The following EXT1 variants were observed in gnomAD, a reference collection of about 807,000 sequenced individuals.
EXT1 encodes the protein exostosin glycosyltransferase 1.
Under a neutral mutation model 82.5 loss-of-function variants are expected in EXT1, and 20 were observed. The observed-to-expected ratio is 0.24, with a 90% CI of 0.17 to 0.35. EXT1 has a LOEUF of 0.35. Ranked by LOEUF, EXT1 falls within the 10% of genes least tolerant of loss-of-function variation. EXT1 has a pLI of 1.00. For missense variants in EXT1, 757 were observed against 936.5 expected, an observed-to-expected ratio of 0.81 and a Z score of 2.50; for synonymous variants, 348 against 350.8, an observed-to-expected ratio of 0.99 and a Z score of 0.09.
chr8:117,990,065 C>T (rs891768348), intron 1 of EXT1, among the ~76,000 whole-genome samples: 6 of 152,002 alleles, frequency 3.9e-5, no homozygotes, highest in Non-Finnish European at 7.4e-5. Context: ...CCCAGCTACT[C>T]GGGAGGCTGA....
At chr8:117,957,497 G>A (rs1011856087) in intron 1 of EXT1, among the ~76,000 whole-genome samples, 2 of 152,168 alleles carry the variant, frequency 1.3e-5, no homozygotes, top group African/African-American at 2.4e-5. Context: ...GCCCCAACGG[G>A]AGACAGACAC....
chr8:117,885,555 G>A (rs1313881417), intron 1 of EXT1, among the ~76,000 whole-genome samples: 1 of 148,678 alleles, frequency 6.7e-6, no homozygotes, highest in Non-Finnish European at 1.5e-5. Context: ...ACACAGTGAT[G>A]AAGACACATG....
At chr8:117,901,858 G>A (rs1263305799) in intron 1 of EXT1, among the ~76,000 whole-genome samples, 2 of 151,850 alleles carry the variant, frequency 1.3e-5, no homozygotes, top group East Asian at 3.9e-4. Context: ...CACCACACCT[G>A]GCTAATTTTT....
chr8:118,008,427 CTT>C (rs1441331486), intron 1 of EXT1, among the ~76,000 whole-genome samples: 2 of 151,850 alleles, frequency 1.3e-5, no homozygotes, highest in African/African-American at 2.4e-5. Flanking sequence ...GCCTGGCTAA[CTT>C]TTTGTATTTT....
In EXT1 at chr8:117,796,438, T is replaced by C. The variant is rs1369947456; in HGVS notation, c.*3274A>G. ...CATCTCACCCCTGATTAAAGTTCAG[T>C]AACCTTTATGAAAGGCCACCAGCAT... is the stretch of plus-strand genomic sequence containing the variant. On this transcript the variant is annotated 3_prime_UTR_variant, in exon 11 of 11. Coordinates refer to ENST00000378204, the MANE Select transcript of EXT1 (RefSeq NM_000127.3). 2.6e-5 allele frequency: 4 copies of C among 151,912 alleles called. No individual in the cohort carries two copies. Among genetic ancestry groups the C allele is most frequent in the Admixed American group, 1.3e-4 (2 of 15,252 alleles). The allele number at this position is 151,912 out of a possible 1,614,324, so 9.4% of individuals were successfully genotyped here.
At chr8:117,959,140 A>G (rs1814646265) in intron 1 of EXT1, among the ~76,000 whole-genome samples, 1 of 152,236 alleles carries the variant, frequency 6.6e-6, no homozygotes, top group Admixed American at 6.5e-5. Context: ...CACAAAGTGA[A>G]GGAAAGAGAA....
chr8:118,031,125 TG>T (rs1421600635), intron 1 of EXT1, among the ~76,000 whole-genome samples: 2 of 152,000 alleles, frequency 1.3e-5, no homozygotes, highest in Admixed American at 1.3e-4. Context: ...AGATGGGGTG[TG>T]GGGGGAACAG....
At chr8:118,043,555 C>A (rs17505506) in intron 1 of EXT1, among the ~76,000 whole-genome samples, 3,124 of 152,282 alleles carry the variant, frequency 0.021, 110 homozygotes, top group African/African-American at 0.071. Flanking sequence ...TATTTATATG[C>A]TGCCTTAGCA....
chr8:117,846,398 G>A (rs188323713), intron 1 of EXT1, among the ~76,000 whole-genome samples: 74 of 152,264 alleles, frequency 4.9e-4, no homozygotes, highest in Admixed American at 7.2e-4. Context: ...GTGAGCCATC[G>A]TGCCTGGCCA....
chr8:118,014,728 C>T (rs892400275), intron 1 of EXT1, among the ~76,000 whole-genome samples: 37 of 152,124 alleles, frequency 2.4e-4, no homozygotes, highest in African/African-American at 8.9e-4. Context: ...TAGGAGCCAC[C>T]ATGCCCAGCC....
chr8:118,110,363 G>C lies in EXT1; in HGVS notation c.684C>G (p.Pro228=), dbSNP rs763239129. 1 of 1,614,182 alleles carries C rather than the reference G, an allele frequency of 6.2e-7. No individual in the cohort carries two copies. The highest frequency in any genetic ancestry group is 8.5e-7 in the Non-Finnish European group (1 of 1,180,044). Residue 228 remains proline, a synonymous_variant, in exon 1 of 11, where the codon CCC becomes CCG. Coordinates refer to ENST00000378204, the MANE Select transcript of EXT1 (RefSeq NM_000127.3). ...AGAGGGGAATAGAAACATCAAAGTT[G>C]GGTCGGAAGTTTTCAGTACTGATGC... is the stretch of plus-strand genomic sequence containing the variant. ...KASISTENFR[P]NFDVSIPLFS...
chr8:117,932,908 C>A (rs1206271956), intron 1 of EXT1, among the ~76,000 whole-genome samples: 1 of 152,110 alleles, frequency 6.6e-6, no homozygotes, highest in African/African-American at 2.4e-5. Context: ...GGCTGAGTAA[C>A]CTATCCAAGG....
intron 1 of EXT1, among the ~76,000 whole-genome samples, chr8:117,878,204 G>T (rs1813003153): frequency 6.6e-6 from 1 of 152,180 alleles, no homozygotes; most frequent in African/African-American, 2.4e-5. Context: ...AGCCTGGGAG[G>T]TGGAGGTTAT....
chr8:117,921,496 A>C (rs2129637638), intron 1 of EXT1, among the ~76,000 whole-genome samples: 1 of 152,296 alleles, frequency 6.6e-6, no homozygotes, highest in East Asian at 1.9e-4. Flanking sequence ...AGTCTCATTC[A>C]CTCATTGGCA....
At chr8:118,052,892 G>C (rs1354050079) in intron 1 of EXT1, among the ~76,000 whole-genome samples, 1 of 152,196 alleles carries the variant, frequency 6.6e-6, no homozygotes, top group Non-Finnish European at 1.5e-5. Flanking sequence ...CCTCCTTTGT[G>C]TGCTTGGAAT....
intron 1 of EXT1, among the ~76,000 whole-genome samples, chr8:117,904,384 A>G (rs1024759832): frequency 1.5e-4 from 23 of 152,212 alleles, no homozygotes; most frequent in African/African-American, 5.5e-4. Context: ...TATTTTAAGG[A>G]AAAATGGATG....
intron 1 of EXT1, among the ~76,000 whole-genome samples, chr8:118,007,278 C>T (rs1194299403): frequency 6.6e-6 from 1 of 151,470 alleles, no homozygotes; most frequent in Non-Finnish European, 1.5e-5. Context: ...ACCTGGGGGA[C>T]ACAGCGAGAC....
chr8:118,001,306 C>A (rs968166733), intron 1 of EXT1, among the ~76,000 whole-genome samples: 3 of 152,116 alleles, frequency 2.0e-5, no homozygotes, highest in Non-Finnish European at 4.4e-5. Flanking sequence ...CGTGCCTCAG[C>A]CTCTCATGCA....
chr8:117,903,388 A>C (rs2129972104), intron 1 of EXT1, among the ~76,000 whole-genome samples: 1 of 152,322 alleles, frequency 6.6e-6, no homozygotes, highest in East Asian at 1.9e-4. Context: ...CAAAACACCC[A>C]GGTAAATGAA....
Sources: allele counts gnomAD v4.1 joint callset (sites outside exome capture counted in the v4.1 genomes callset), GRCh38; gene constraint gnomAD v4.1.1; transcripts MANE v1.5; gene names NCBI Gene and HGNC (gene_info 2026-07-23, HGNC 2026-07-21).